PPP1R1C: variants seen among roughly 807,000 people sequenced by gnomAD.
The protein encoded by PPP1R1C is protein phosphatase 1 regulatory inhibitor subunit 1C.
Under a neutral mutation model 17.4 loss-of-function variants are expected in PPP1R1C, and 15 were observed. The observed-to-expected ratio is 0.86, with a 90% CI of 0.58 to 1.33. The LOEUF (loss-of-function observed/expected upper bound fraction) is 1.33, where lower values mean the gene tolerates loss of function less well. Ranked by LOEUF, PPP1R1C falls within the 40% of genes most tolerant of loss-of-function variation. The pLI is 0.00. For missense variants in PPP1R1C, 143 were observed against 130.0 expected, an observed-to-expected ratio of 1.10 and a Z score of -0.48; for synonymous variants, 35 against 43.1, an observed-to-expected ratio of 0.81 and a Z score of 0.73.
intron 4 of PPP1R1C, among the ~76,000 whole-genome samples, chr2:182,088,105 C>G (rs1178389613): frequency 6.6e-6 from 1 of 151,848 alleles, no homozygotes; most frequent in Non-Finnish European, 1.5e-5. Context: ...GGAAGTTTCC[C>G]TCTGACTTTT....
intron 2 of PPP1R1C, among the ~76,000 whole-genome samples, chr2:182,033,805 G>C (rs373455676): frequency 3.3e-5 from 5 of 152,014 alleles, no homozygotes; most frequent in East Asian, 3.8e-4. Flanking sequence ...GATATTAAAG[G>C]CCCGCCACAA....
chr2:182,013,919 TA>T (rs1686166081), intron 2 of PPP1R1C, among the ~76,000 whole-genome samples: 1 of 152,222 alleles, frequency 6.6e-6, no homozygotes, highest in African/African-American at 2.4e-5. Flanking sequence ...ATTTATCTGA[TA>T]GGATTCTGAA....
chr2:182,010,162 G>A (rs1218081744), intron 2 of PPP1R1C, among the ~76,000 whole-genome samples: 1 of 151,718 alleles, frequency 6.6e-6, no homozygotes, highest in Non-Finnish European at 1.5e-5. Context: ...TGTGAAAAGT[G>A]TCATTGGTAT....
chr2:182,046,769 G>A (rs946043277), intron 2 of PPP1R1C, among the ~76,000 whole-genome samples: 4 of 151,316 alleles, frequency 2.6e-5, no homozygotes, highest in African/African-American at 9.7e-5. Flanking sequence ...GAAATACGTT[G>A]ATAATAATTT....
At chr2:182,034,166 A>G (rs1456213076) in intron 2 of PPP1R1C, among the ~76,000 whole-genome samples, 1 of 152,218 alleles carries the variant, frequency 6.6e-6, no homozygotes. Flanking sequence ...CCCTATTCAG[A>G]ATAGAGGCAA....
intron 2 of PPP1R1C, among the ~76,000 whole-genome samples, chr2:181,991,233 A>C (rs553548746): frequency 5.3e-5 from 8 of 152,198 alleles, no homozygotes; most frequent in Middle Eastern, 3.4e-3. Flanking sequence ...ATATTTCAAG[A>C]TGTATATTCA....
intron 4 of PPP1R1C, among the ~76,000 whole-genome samples, chr2:182,078,366 G>A (rs1355739699): frequency 6.6e-6 from 1 of 152,178 alleles, no homozygotes; most frequent in Non-Finnish European, 1.5e-5. Flanking sequence ...TCTAGATAGA[G>A]TAGGCAGGTA....
chr2:182,016,777 T>C (rs539011631), intron 2 of PPP1R1C, among the ~76,000 whole-genome samples: 3 of 152,220 alleles, frequency 2.0e-5, no homozygotes, highest in Non-Finnish European at 4.4e-5. Flanking sequence ...TTTGTCCTTG[T>C]TTCTGATAAC....
chr2:182,057,231 G>T (rs1306238489), intron 2 of PPP1R1C, among the ~76,000 whole-genome samples: 2 of 152,138 alleles, frequency 1.3e-5, no homozygotes, highest in African/African-American at 2.4e-5. Context: ...TTTGCAGGTT[G>T]CCTGGGGAGA....
At chr2:182,018,667 T>C (rs1686328870) in intron 2 of PPP1R1C, among the ~76,000 whole-genome samples, 1 of 152,198 alleles carries the variant, frequency 6.6e-6, no homozygotes, top group Non-Finnish European at 1.5e-5. Flanking sequence ...TAGAACATGA[T>C]GTGATTAAAT....
chr2:181,986,010 G>C lies in PPP1R1C; in HGVS notation c.-101G>C. ...ACAGCTATTTATTACGAAGCACTCT[G>C]TGTGGCTTAGTGGAGTGTGTCTGAG... On this transcript the variant is annotated 5_prime_UTR_variant, in exon 1 of 5. Transcript: ENST00000682840. The C allele has an allele frequency of 1.1e-6, 1 of 880,896 alleles. No homozygotes were observed. The highest frequency in any genetic ancestry group is 1.9e-6 in the Non-Finnish European group (1 of 523,366). The allele number at this position is 880,896 out of a possible 1,614,324, so 54.6% of individuals were successfully genotyped here.
In PPP1R1C at chr2:181,961,575, T is replaced by C; in HGVS notation, n.111+6941T>C. The C allele has an allele frequency of 1.3e-6, 1 of 753,336 alleles. No homozygotes were observed. The highest frequency in any genetic ancestry group is 2.3e-6 in the Non-Finnish European group (1 of 425,602). 46.7% of individuals were successfully genotyped at this position (753,336 alleles called of 1,614,324 possible). ...CCAGGTCCATCTTTAAGGACTGGAC[T>C]GTACGTCTCAGCTCCGTGAGCGTCA... is the stretch of plus-strand genomic sequence containing the variant. On this transcript the variant is annotated intron_variant and non_coding_transcript_variant, in intron 1 of 5. Coordinates refer to the PPP1R1C transcript ENST00000464264. This position sits in a 1 kb window ranked among gnomAD's most constrained non-coding sequence, Gnocchi z 5.8.
chr2:182,037,974 G>A (rs1687063358), intron 2 of PPP1R1C, among the ~76,000 whole-genome samples: 1 of 151,900 alleles, frequency 6.6e-6, no homozygotes, highest in African/African-American at 2.4e-5. Context: ...TATTTACTGT[G>A]GAGAATAATT....
intron 4 of PPP1R1C, among the ~76,000 whole-genome samples, chr2:182,084,192 A>G (rs932729423): frequency 6.6e-6 from 1 of 151,944 alleles, no homozygotes; most frequent in Non-Finnish European, 1.5e-5. Context: ...CACAGTTTGC[A>G]AGTATTTTCT....
At chr2:182,080,857 A>G (rs753680959) in intron 4 of PPP1R1C, among the ~76,000 whole-genome samples, 2 of 152,294 alleles carry the variant, frequency 1.3e-5, no homozygotes, top group Middle Eastern at 6.8e-3. Flanking sequence ...TGACCTTGAG[A>G]AAGTTATTTA....
intron 4 of PPP1R1C, among the ~76,000 whole-genome samples, chr2:182,079,903 CTCT>C (rs1165952927): frequency 6.6e-6 from 1 of 152,122 alleles, no homozygotes; most frequent in Non-Finnish European, 1.5e-5. Context: ...GTGTTGTTTC[CTCT>C]TCTTGTAAGT....
chr2:182,108,272 T>C (rs1217470772), intron 4 of PPP1R1C, among the ~76,000 whole-genome samples: 1 of 152,140 alleles, frequency 6.6e-6, no homozygotes, highest in Non-Finnish European at 1.5e-5. Context: ...TAATACAGTA[T>C]TTCTTAGCTC....
chr2:182,092,273 A>T (rs61011072), intron 4 of PPP1R1C, among the ~76,000 whole-genome samples: 49,167 of 151,988 alleles, frequency 0.32, 9,200 homozygotes, highest in Non-Finnish European at 0.41. Flanking sequence ...AAACCATAAC[A>T]TCTGTGAGAC....
chr2:181,977,396 G>A (rs1360921765), intron 2 of PPP1R1C, among the ~76,000 whole-genome samples: 1 of 151,782 alleles, frequency 6.6e-6, no homozygotes, highest in African/African-American at 2.4e-5. Flanking sequence ...GTGTGTGTTT[G>A]TTTCCATTTT....
Sources: gnomAD v4.1 joint callset for allele counts (sites outside exome capture counted in the v4.1 genomes callset) on GRCh38, gnomAD v4.1.1 for gene constraint, Gnocchi (gnomAD v3.1) non-coding constraint, MANE v1.5 for transcripts, NCBI Gene and HGNC (gene_info 2026-07-23, HGNC 2026-07-21) for gene names.